The following CMC2 variants were observed in gnomAD, a reference collection of about 807,000 sequenced individuals.
CMC2 encodes C-X9-C motif containing 2, also known as COX assembly mitochondrial protein 2 homolog.
In CMC2, 5 loss-of-function variants were observed where a neutral mutation model predicts 7.5. The observed-to-expected ratio is 0.66, with a 90% confidence interval of 0.35 to 1.40. CMC2 has a LOEUF of 1.40. Among genes scored for constraint, CMC2 ranks in the 40% most tolerant of loss-of-function variants. CMC2 has a pLI of 0.04. For synonymous variants in CMC2, 37 were observed against 31.4 expected, an observed-to-expected ratio of 1.18 and a Z score of -0.60; for missense variants, 115 against 92.3, an observed-to-expected ratio of 1.25 and a Z score of -1.01.
In CMC2 at chr16:80,972,555, C is replaced by G. The variant is rs796737538; in HGVS notation, c.*3538G>C. 4.6e-5 allele frequency: 7 copies of G among 152,286 alleles called. No individual in the cohort carries two copies. Among genetic ancestry groups the G allele is most frequent in the African/African-American group, 1.7e-4 (7 of 41,556 alleles). 9.4% of individuals were successfully genotyped at this position (152,286 alleles called of 1,614,324 possible). A position where few individuals can be genotyped will look rare whatever the true frequency, so the allele number is the denominator to read the frequency against. On this transcript the variant is annotated 3_prime_UTR_variant, in exon 4 of 4. Transcript: ENST00000219400. ...GGTGAGAAACAGCTCAACTTTCTAG[C>G]CTCACTCTTAAGTAAAATTGTGTAG...
intron 2 of CMC2, among the ~76,000 whole-genome samples, chr16:80,993,299 G>C (rs946275123): frequency 2.0e-5 from 3 of 152,164 alleles, no homozygotes; most frequent in Admixed American, 2.0e-4. Context: ...CATTCACCTA[G>C]CTTTCTACCC....
At chr16:80,994,902 T>C (rs1968282280) in intron 2 of CMC2, among the ~76,000 whole-genome samples, 1 of 152,174 alleles carries the variant, frequency 6.6e-6, no homozygotes, top group Non-Finnish European at 1.5e-5. Context: ...TCCCAGCACT[T>C]TGGGGGGCCA....
chr16:80,978,974 A>C (rs911277831), intron 3 of CMC2, among the ~76,000 whole-genome samples: 1 of 152,080 alleles, frequency 6.6e-6, no homozygotes, highest in Admixed American at 6.6e-5. Context: ...CCAGTTACTC[A>C]GGAGGCTGAG....
chr16:80,975,995 C>G lies in CMC2; in HGVS notation c.*98G>C. Reference sequence around the variant, plus strand: ...AATCTCTCACAGGTCACTTTCCATTCAAAGGATTATGGAGACCAAATAAGA... The same window carrying G: ...AATCTCTCACAGGTCACTTTCCATTGAAAGGATTATGGAGACCAAATAAGA... On this transcript the variant is annotated 3_prime_UTR_variant, in exon 4 of 4. Coordinates refer to ENST00000219400, the MANE Select transcript of CMC2 (RefSeq NM_020188.5). 4.2e-6 allele frequency: 3 copies of G among 714,954 alleles called. No individual in the cohort carries two copies. The highest frequency in any genetic ancestry group is 4.5e-5 in the Admixed American group (2 of 44,036). The allele number at this position is 714,954 out of a possible 1,614,324, so 44.3% of individuals were successfully genotyped here.
rs759324905 is a variant in CMC2, at chr16:80,997,385, C to T, written c.10G>A (p.Asp4Asn). Residue 4 changes from aspartate to asparagine, a missense_variant, in exon 2 of 4, where the codon GAC becomes AAC. Transcript: ENST00000219400. ...TCAGTGTGCAAGTGTGGAGATAAGT[C>T]AGGATGCATCTTTAGGAGATGAGGA... Reference protein sequence around the residue: MHPDLSPHLHTEEC... With the variant: MHPNLSPHLHTEEC... 6.3e-7 allele frequency: 1 copy of T among 1,595,644 alleles called. No individual in the cohort carries two copies. Among genetic ancestry groups the T allele is most frequent in the Non-Finnish European group, 8.6e-7 (1 of 1,167,728 alleles).
chr16:80,997,852 G>C (rs1036600516), intron 1 of CMC2: 1 of 152,646 alleles, frequency 6.6e-6, no homozygotes, highest in African/African-American at 2.4e-5. Context: ...GAGGGTTAAA[G>C]GGTCATTAGT....
chr16:80,981,932 G>C, intron 2 of CMC2, 55 bp from the exon 3 acceptor site: 3 of 1,169,736 alleles, frequency 2.6e-6, no homozygotes, highest in Non-Finnish European at 3.8e-6. Flanking sequence ...CAAGGTTTGG[G>C]GCACATAAAA....
intron 3 of CMC2, among the ~76,000 whole-genome samples, chr16:80,979,892 G>C (rs911190010): frequency 6.6e-6 from 1 of 152,058 alleles, no homozygotes; most frequent in Non-Finnish European, 1.5e-5. Flanking sequence ...AGAATGCTGG[G>C]ATTATAGGCG....
rs906488649 is a variant in CMC2 at position 80,966,663 on chromosome 16, T to C, written c.*9430A>G. The C allele has an allele frequency of 2.2e-4, 33 of 152,356 alleles. No individual in the cohort carries two copies. Among genetic ancestry groups the C allele is most frequent in the African/African-American group, 7.7e-4 (32 of 41,594 alleles). The allele number at this position is 152,356 out of a possible 1,614,324, so 9.4% of individuals were successfully genotyped here. ...CTTATCTTCAGGATGTATCACCTTC[T>C]GGAGATGTAAAGTCAAAATATTGTA... On this transcript the variant is annotated 3_prime_UTR_variant, in exon 4 of 4. Coordinates refer to ENST00000219400, the MANE Select transcript of CMC2 (RefSeq NM_020188.5).
rs562315192 is a variant in CMC2, at chr16:80,972,915, T to C, written c.*3178A>G. 2.0e-5 allele frequency: 3 copies of C among 152,538 alleles called. No homozygotes were observed. The highest frequency in any genetic ancestry group is 7.2e-5 in the African/African-American group (3 of 41,562). The allele number at this position is 152,538 out of a possible 1,614,324, so 9.4% of individuals were successfully genotyped here. A position where few individuals can be genotyped will look rare whatever the true frequency, so the allele number is the denominator to read the frequency against. The stretch of plus-strand genomic sequence containing the variant: ...ATGGTATCACCTGCACCCAGCACAA[T>C]GCCAGAAGCTTCATAAAGGCAAGAA... On this transcript the variant is annotated 3_prime_UTR_variant, in exon 4 of 4. Transcript: ENST00000219400.
rs374478685 is a variant in CMC2, at chr16:81,000,612, AT to A, written c.-35-3184del. Among the ~76,000 whole-genome samples the A allele has an allele frequency of 9.9e-3, 1,502 of 152,360 alleles. 14 individuals carry two copies. Among genetic ancestry groups the A allele is most frequent in the Non-Finnish European group, 0.018 (1,246 of 68,020 alleles). On this transcript the variant is annotated intron_variant, in intron 1 of 3. Coordinates refer to ENST00000219400, the MANE Select transcript of CMC2 (RefSeq NM_020188.5). ...CATGAAAAAATGCTCAACATCACTA[AT>A]CATCAGAGAAATGCAAATCAAAACC...
In CMC2 at chr16:80,969,562, G is replaced by GAA. The variant is rs34893428; in HGVS notation, c.*6529_*6530dup. 3 of 152,012 alleles carry GAA rather than the reference G, an allele frequency of 2.0e-5. No homozygotes were observed. The highest frequency in any genetic ancestry group is 2.9e-5 in the Non-Finnish European group (2 of 68,028). 9.4% of individuals were successfully genotyped at this position (152,012 alleles called of 1,614,324 possible). A position where few individuals can be genotyped will look rare whatever the true frequency, so the allele number is the denominator to read the frequency against. ...AAGTGAGGAGGAACTGCAGGGAGCA[G>GAA]AAAAAAAATTGAACAGGATAGGGAC... On this transcript the variant is annotated 3_prime_UTR_variant, in exon 4 of 4. Coordinates refer to ENST00000219400, the MANE Select transcript of CMC2 (RefSeq NM_020188.5).
intron 3 of CMC2, chr16:80,981,002 A>T: frequency 2.4e-6 from 1 of 422,818 alleles, no homozygotes; most frequent in Non-Finnish European, 4.2e-6. Flanking sequence ...AGGGAAAAAC[A>T]GCCTAAGCAG....
intron 2 of CMC2, among the ~76,000 whole-genome samples, chr16:80,993,413 G>C (rs1378117946): frequency 6.6e-6 from 1 of 152,156 alleles, no homozygotes; most frequent in African/African-American, 2.4e-5. Flanking sequence ...GGCAGGCTGG[G>C]GCAGCCGGAA....
intron 2 of CMC2, among the ~76,000 whole-genome samples, chr16:80,990,675 A>G (rs1967918603): frequency 6.6e-6 from 1 of 152,128 alleles, no homozygotes; most frequent in South Asian, 2.1e-4. Context: ...TGACTTCTTC[A>G]CGAAATATAT....
In CMC2 at chr16:80,975,273, A is replaced by C. The variant is rs2151609134; in HGVS notation, c.*820T>G. On this transcript the variant is annotated 3_prime_UTR_variant, in exon 4 of 4. Transcript: ENST00000219400. ...AAATGGGAAAGCAAAGTCTGCTAAG[A>C]CTCAATTCCTAACCAGATGAAATTT... The C allele has an allele frequency of 6.6e-6, 1 of 152,330 alleles. No individual in the cohort carries two copies. Among genetic ancestry groups the C allele is most frequent in the African/African-American group, 2.4e-5 (1 of 41,556 alleles). The allele number at this position is 152,330 out of a possible 1,614,324, so 9.4% of individuals were successfully genotyped here.
chr16:80,973,078 T>C lies in CMC2; in HGVS notation c.*3015A>G, dbSNP rs1019102412. 2 of 152,318 alleles carry C rather than the reference T, an allele frequency of 1.3e-5. No individual in the cohort carries two copies. Among genetic ancestry groups the C allele is most frequent in the African/African-American group, 2.4e-5 (1 of 41,472 alleles). The allele number at this position is 152,318 out of a possible 1,614,324, so 9.4% of individuals were successfully genotyped here. On this transcript the variant is annotated 3_prime_UTR_variant, in exon 4 of 4. Coordinates refer to ENST00000219400, the MANE Select transcript of CMC2 (RefSeq NM_020188.5). The stretch of plus-strand genomic sequence containing the variant: ...TAGACAGGAGAAACAGATTTCACTC[T>C]GATCTACAGCAGGCTGGGGAAAGTC...
rs1397073854 is a variant in CMC2 at position 80,997,476 on chromosome 16, G to A, written c.-35-47C>T. The A allele has an allele frequency of 7.2e-6, 7 of 977,232 alleles. No homozygotes were observed. In the East Asian group the frequency reaches 9.6e-5, roughly 13 times the overall value. The allele number at this position is 977,232 out of a possible 1,614,324, so 60.5% of individuals were successfully genotyped here. A position where few individuals can be genotyped will look rare whatever the true frequency, so the allele number is the denominator to read the frequency against. On this transcript the variant is annotated intron_variant, in intron 1 of 3. Transcript: ENST00000219400. ...GAATATGCATAAACACATTTGTTAC[G>A]CCACCTAAAAGTATCTTCATAAGAA...
intron 2 of CMC2, among the ~76,000 whole-genome samples, chr16:80,995,708 C>T (rs1184045025): frequency 2.0e-5 from 3 of 152,080 alleles, no homozygotes; most frequent in African/African-American, 7.2e-5. Context: ...AATTCTAGAA[C>T]TGCAAAATTC....
Sources: gnomAD v4.1 joint callset for allele counts (sites outside exome capture counted in the v4.1 genomes callset) on GRCh38, gnomAD v4.1.1 for gene constraint, MANE v1.5 for transcripts, NCBI Gene and HGNC (gene_info 2026-07-23, HGNC 2026-07-21) for gene names.